Variants in RXFP1 observed in about 807,000 individuals in gnomAD.
The protein encoded by RXFP1 is relaxin family peptide receptor 1.
Under a neutral mutation model 89.8 loss-of-function variants are expected in RXFP1, and 73 were observed. That is an observed-to-expected ratio of 0.81 (90% confidence interval 0.67 to 0.99). The LOEUF (loss-of-function observed/expected upper bound fraction) is 0.99, where lower values mean the gene tolerates loss of function less well. Among genes scored for constraint, RXFP1 ranks in the 50% least tolerant of loss-of-function variants. The probability of loss-of-function intolerance (pLI) is 0.00; values close to 1 mark genes in which losing one functional copy is unlikely to be tolerated. For synonymous variants in RXFP1, 277 were observed against 305.5 expected (o/e 0.91, Z 0.97); for missense variants, 793 against 895.5 (o/e 0.89, Z 1.46).
At position 158,528,857 on chromosome 4, in the gene RXFP1, C is replaced by T. The variant is rs1743264982; in HGVS notation, c.49+6832C>T. On this transcript the variant is annotated intron_variant, in intron 1 of 17. Transcript: ENST00000307765. The stretch of plus-strand genomic sequence containing the variant: ...TTCTGGGTGCCCCAGATAATGTAGG[C>T]ACCAAATACCTGTGTGCTTCACCGC... 2.6e-5 allele frequency among the ~76,000 whole-genome samples: 4 copies of T among 152,220 alleles called. No individual in the cohort carries two copies. The South Asian group carries it at 6.2e-4, about 24-fold the overall frequency.
chr4:158,551,074 C>T (rs1749990986), intron 1 of RXFP1, among the ~76,000 whole-genome samples: 1 of 151,058 alleles, frequency 6.6e-6, no homozygotes, highest in African/African-American at 2.5e-5. Context: ...AAGTGTCCAT[C>T]AACAGATGAT....
intron 9 of RXFP1, among the ~76,000 whole-genome samples, 164 bp from the exon 10 acceptor site, chr4:158,626,656 A>G (rs1041985177): frequency 6.6e-6 from 1 of 151,988 alleles, no homozygotes; most frequent in Non-Finnish European, 1.5e-5. Context: ...ATAGATATTT[A>G]TATATATAAT....
chr4:158,639,753 A>G lies in RXFP1; in HGVS notation c.1115+422A>G, dbSNP rs183578718. 1.6e-4 allele frequency among the ~76,000 whole-genome samples: 24 copies of G among 152,254 alleles called. No individual in the cohort carries two copies. The East Asian group carries it at 2.7e-3, about 17-fold the overall frequency. On this transcript the variant is annotated intron_variant, in intron 14 of 17. Transcript: ENST00000307765. ...GTCGTGGTGGTGATTCCAGCTACTC[A>G]GGAGGCTGAGGCAGGAGAATCGCTT... is the stretch of plus-strand genomic sequence containing the variant.
At chr4:158,607,003 C>A in intron 5 of RXFP1, 1 of 1,354,098 alleles carries the variant, frequency 7.4e-7, no homozygotes, top group Non-Finnish European at 1.0e-6. Context: ...TGATTTCTTT[C>A]TTATTGCTCC....
chr4:158,635,879 G>A (rs1458645340), intron 12 of RXFP1, among the ~76,000 whole-genome samples: 1 of 151,568 alleles, frequency 6.6e-6, no homozygotes, highest in Non-Finnish European at 1.5e-5. Context: ...TGTAGAGATG[G>A]GGGCCTCATT....
chr4:158,594,027 A>G (rs1003303188), intron 3 of RXFP1, among the ~76,000 whole-genome samples: 14 of 152,252 alleles, frequency 9.2e-5, no homozygotes, highest in Admixed American at 2.6e-4. Flanking sequence ...AATATTTTAG[A>G]TCAGAAAGAT....
chr4:158,622,255 G>A (rs1200426922), intron 9 of RXFP1, among the ~76,000 whole-genome samples: 1 of 151,986 alleles, frequency 6.6e-6, no homozygotes, highest in Non-Finnish European at 1.5e-5. Flanking sequence ...AGGTTGCAGT[G>A]AGCCAAGATC....
At chr4:158,566,364 T>G (rs547092306) in intron 1 of RXFP1, among the ~76,000 whole-genome samples, 1 of 118,550 alleles carries the variant, frequency 8.4e-6, no homozygotes, top group Non-Finnish European at 1.8e-5. Flanking sequence ...AATTTTAAAA[T>G]TATCTCAAAA....
At chr4:158,554,395 CA>C (rs914394675) in intron 1 of RXFP1, among the ~76,000 whole-genome samples, 24 of 152,046 alleles carry the variant, frequency 1.6e-4, no homozygotes, top group African/African-American at 5.8e-4. Flanking sequence ...TCCAAATTCC[CA>C]AAGACGACCA....
intron 1 of RXFP1, among the ~76,000 whole-genome samples, chr4:158,539,962 G>A (rs978874897): frequency 9.2e-5 from 14 of 152,098 alleles, no homozygotes; most frequent in African/African-American, 3.1e-4. Flanking sequence ...TTAGAAAAAA[G>A]GGAAATTGTC....
chr4:158,605,222 A>G (rs1762353221), intron 5 of RXFP1, 83 bp downstream of exon 5: 7 of 712,304 alleles, frequency 9.8e-6, no homozygotes. Flanking sequence ...GTGAACACCA[A>G]CACTATTCCG....
chr4:158,647,219 T>C lies in RXFP1; in HGVS notation c.1756+18T>C. On this transcript the variant is annotated intron_variant, in intron 16 of 17. Coordinates refer to ENST00000307765, the MANE Select transcript of RXFP1 (RefSeq NM_021634.4). The stretch of plus-strand genomic sequence containing the variant: ...TTTTCTTGGTAAGAAACTAAGAAAC[T>C]AATGTTCACAAATTTTTATTTCAAA... 6.5e-7 allele frequency: 1 copy of C among 1,532,274 alleles called. No individual in the cohort carries two copies. The highest frequency in any genetic ancestry group is 8.8e-7 in the Non-Finnish European group (1 of 1,140,740). 94.9% of individuals were successfully genotyped at this position (1,532,274 alleles called of 1,614,324 possible).
chr4:158,542,109 A>ATTTTTT (rs56032847), intron 1 of RXFP1, among the ~76,000 whole-genome samples: 493 of 34,692 alleles, frequency 0.014, 49 homozygotes, highest in African/African-American at 0.017. Flanking sequence ...ATATATATAT[A>ATTTTTT]TTTTTTTTTT....
chr4:158,541,228 G>GA (rs1326366458), intron 1 of RXFP1, among the ~76,000 whole-genome samples: 10 of 152,094 alleles, frequency 6.6e-5, no homozygotes, highest in Non-Finnish European at 7.4e-5. Context: ...AAAGATGGAA[G>GA]AAAAAATCAC....
chr4:158,610,973 T>C (rs2150128576), intron 6 of RXFP1, among the ~76,000 whole-genome samples: 1 of 152,322 alleles, frequency 6.6e-6, no homozygotes, highest in South Asian at 2.1e-4. Flanking sequence ...AGTGTGAATC[T>C]TGTATTAGTG....
intron 2 of RXFP1, among the ~76,000 whole-genome samples, chr4:158,592,462 T>C (rs894338774): frequency 4.6e-5 from 7 of 152,076 alleles, no homozygotes; most frequent in African/African-American, 1.7e-4. Context: ...GAATCCTAGC[T>C]ACTCGGGAGG....
At chr4:158,589,447 T>C (rs1229847776) in intron 2 of RXFP1, among the ~76,000 whole-genome samples, 1 of 152,180 alleles carries the variant, frequency 6.6e-6, no homozygotes, top group East Asian at 1.9e-4. Context: ...GTCAGTCTTC[T>C]CTAAGTCCAA....
intron 5 of RXFP1, chr4:158,607,095 C>T: frequency 6.5e-7 from 1 of 1,535,988 alleles, no homozygotes; most frequent in East Asian, 2.4e-5. Flanking sequence ...ATGAAGGCAG[C>T]CTTGAAATCC....
intron 9 of RXFP1, among the ~76,000 whole-genome samples, chr4:158,622,081 T>C (rs1765725120): frequency 6.6e-6 from 1 of 152,068 alleles, no homozygotes; most frequent in Non-Finnish European, 1.5e-5. Flanking sequence ...GTGGCAGAGG[T>C]GGGTGGATCA....
Sources: allele counts gnomAD v4.1 joint callset (sites outside exome capture counted in the v4.1 genomes callset), GRCh38; gene constraint gnomAD v4.1.1; transcripts MANE v1.5; gene names NCBI Gene and HGNC (gene_info 2026-07-23, HGNC 2026-07-21).